Variants in INVS observed in about 807,000 individuals in gnomAD.
The protein encoded by INVS is inversion of embryo turning homolog.
A neutral mutation model predicts 108.8 loss-of-function variants in INVS; 86 were observed. That is an observed-to-expected ratio of 0.79 (90% CI 0.66 to 0.95). The LOEUF (loss-of-function observed/expected upper bound fraction) is 0.95, where lower values mean the gene tolerates loss of function less well. Ranked by LOEUF, INVS falls within the 40% of genes least tolerant of loss-of-function variation. INVS has a pLI of 0.00. For synonymous variants in INVS, 455 were observed against 473.5 expected (o/e 0.96, Z 0.51); for missense variants, 1,169 against 1,297.4 (o/e 0.90, Z 1.52).
chr9:100,247,831 C>T lies in INVS; in HGVS notation c.1078+1044C>T, dbSNP rs146475559. 1.2e-4 allele frequency among the ~76,000 whole-genome samples: 18 copies of T among 152,106 alleles called. No individual in the cohort carries two copies. The East Asian group carries it at 1.7e-3, about 15-fold the overall frequency. ...AATTTCTTTTTTTTTCTTTTTGAGACGGAGTCTCACTCTGTCACCCAGGCT... is the reference window on the plus strand; with the variant it reads ...AATTTCTTTTTTTTTCTTTTTGAGATGGAGTCTCACTCTGTCACCCAGGCT... On this transcript the variant is annotated intron_variant, in intron 8 of 16. Transcript: ENST00000262457.
intron 2 of INVS, among the ~76,000 whole-genome samples, chr9:100,106,578 GACCAA>G (rs1827189607): frequency 6.6e-6 from 1 of 152,082 alleles, no homozygotes; most frequent in Non-Finnish European, 1.5e-5. Context: ...ACTCTAGATG[GACCAA>G]ACCTATCTTC....
intron 3 of INVS, among the ~76,000 whole-genome samples, chr9:100,225,478 C>G (rs1831288121): frequency 6.6e-6 from 1 of 152,192 alleles, no homozygotes; most frequent in Non-Finnish European, 1.5e-5. Context: ...CTTTGAATCT[C>G]AGTTTCCTCA....
intron 3 of INVS, among the ~76,000 whole-genome samples, chr9:100,162,081 G>C (rs62578285): frequency 6.6e-6 from 1 of 152,096 alleles, no homozygotes; most frequent in Non-Finnish European, 1.5e-5. Flanking sequence ...AAAGGAGCCG[G>C]AAATAATAGA....
At chr9:100,267,750 C>T (rs1832836641) in intron 11 of INVS, among the ~76,000 whole-genome samples, 1 of 152,190 alleles carries the variant, frequency 6.6e-6, no homozygotes, top group Non-Finnish European at 1.5e-5. Context: ...TTTATGATCA[C>T]ACTTGTTTTA....
At chr9:100,133,191 T>C (rs1323845661) in intron 3 of INVS, among the ~76,000 whole-genome samples, 1 of 152,198 alleles carries the variant, frequency 6.6e-6, no homozygotes, top group Non-Finnish European at 1.5e-5. Flanking sequence ...TCAGTATTTC[T>C]TATTTTTGCT....
chr9:100,117,353 A>G (rs904003163), intron 2 of INVS: 14 of 745,328 alleles, frequency 1.9e-5, no homozygotes, highest in African/African-American at 1.4e-4. Flanking sequence ...GAAAAAGTCA[A>G]TGATCTCAGA....
At chr9:100,284,253 C>T (rs1833363387) in intron 12 of INVS, 67 bp from the exon 13 acceptor site, 1 of 1,583,372 alleles carries the variant, frequency 6.3e-7, no homozygotes, top group African/African-American at 1.3e-5. Flanking sequence ...AATTTAAACT[C>T]ACACAGAGAC....
chr9:100,219,298 G>A (rs777920985), intron 3 of INVS, among the ~76,000 whole-genome samples: 61 of 152,094 alleles, frequency 4.0e-4, no homozygotes, highest in Non-Finnish European at 7.5e-4. Flanking sequence ...CCTCAATTCG[G>A]GAAATGCACA....
intron 3 of INVS, among the ~76,000 whole-genome samples, chr9:100,182,127 A>C (rs902753685): frequency 6.6e-6 from 1 of 152,236 alleles, no homozygotes; most frequent in Non-Finnish European, 1.5e-5. Flanking sequence ...AGATGGATTA[A>C]AGACTTAAAC....
chr9:100,291,744 G>T (rs914062332), intron 13 of INVS, among the ~76,000 whole-genome samples: 1 of 152,178 alleles, frequency 6.6e-6, no homozygotes, highest in Non-Finnish European at 1.5e-5. Flanking sequence ...TCTTATGGGA[G>T]ACTCCTTACC....
intron 3 of INVS, among the ~76,000 whole-genome samples, chr9:100,141,119 T>C (rs987642260): frequency 5.9e-5 from 9 of 151,986 alleles, no homozygotes; most frequent in African/African-American, 1.7e-4. Flanking sequence ...TTGAGAACAG[T>C]GAATAGGAGT....
intron 3 of INVS, among the ~76,000 whole-genome samples, chr9:100,180,434 T>C (rs769706507): frequency 1.4e-5 from 2 of 147,450 alleles, no homozygotes; most frequent in African/African-American, 5.0e-5. Flanking sequence ...CAATAAAAAA[T>C]GATAAAGGGG....
intron 3 of INVS, among the ~76,000 whole-genome samples, chr9:100,140,719 TA>T (rs1429550428): frequency 6.6e-6 from 1 of 151,956 alleles, no homozygotes; most frequent in African/African-American, 2.4e-5. Context: ...CGAGCGGAAT[TA>T]GGGGCGGTGT....
At position 100,222,089 on chromosome 9, in the gene INVS, A is replaced by G. The variant is rs181245632; in HGVS notation, c.274-3973A>G. Among the ~76,000 whole-genome samples, 354 of 152,240 alleles carry G rather than the reference A, an allele frequency of 2.3e-3. 2 individuals carry two copies. The highest frequency in any genetic ancestry group is 3.7e-3 in the Non-Finnish European group (255 of 68,018). ...TACCTTTTCCTAATCTTGGTTCTTA[A>G]TCACTAGCTGAACTGTGTATATTAC... On this transcript the variant is annotated intron_variant, in intron 3 of 16. Coordinates refer to ENST00000262457, the MANE Select transcript of INVS (RefSeq NM_014425.5).
intron 10 of INVS, among the ~76,000 whole-genome samples, chr9:100,263,389 G>A (rs1190589575): frequency 6.6e-6 from 1 of 152,172 alleles, no homozygotes; most frequent in African/African-American, 2.4e-5. Flanking sequence ...GGTGGATCTA[G>A]GAGAGGATCC....
chr9:100,236,780 A>G (rs1205879271), intron 5 of INVS, among the ~76,000 whole-genome samples: 1 of 152,144 alleles, frequency 6.6e-6, no homozygotes, highest in Non-Finnish European at 1.5e-5. Context: ...GCTCTCCTGT[A>G]TGAGGTGTCT....
chr9:100,287,032 A>G (rs1216033101), intron 13 of INVS, among the ~76,000 whole-genome samples: 1 of 152,220 alleles, frequency 6.6e-6, no homozygotes, highest in Non-Finnish European at 1.5e-5. Flanking sequence ...TGACAATTTA[A>G]TTTTTATGAT....
intron 3 of INVS, among the ~76,000 whole-genome samples, chr9:100,132,399 T>C (rs2118916777): frequency 6.6e-6 from 1 of 152,350 alleles, no homozygotes; most frequent in South Asian, 2.1e-4. Context: ...TCAGGATTTT[T>C]TAAGATTTTC....
At chr9:100,273,527 CTTTTTTTTTT>C (rs58458085) in intron 12 of INVS, among the ~76,000 whole-genome samples, 6 of 96,278 alleles carry the variant, frequency 6.2e-5, no homozygotes, top group South Asian at 8.6e-4. Flanking sequence ...CCACTCAGTT[CTTTTTTTTTT>C]TTTTTTTTTT....
Sources: gnomAD v4.1 joint callset for allele counts (sites outside exome capture counted in the v4.1 genomes callset) on GRCh38, gnomAD v4.1.1 for gene constraint, MANE v1.5 for transcripts, NCBI Gene and HGNC (gene_info 2026-07-23, HGNC 2026-07-21) for gene names.